NCALD: variants seen among roughly 807,000 people sequenced by gnomAD.
NCALD encodes neurocalcin delta, also known as neurocalcin-delta.
A neutral mutation model predicts 18.6 loss-of-function variants in NCALD; 10 were observed. The ratio of observed to expected loss-of-function variants is 0.54; its 90% CI spans 0.33 to 0.91. NCALD has a LOEUF of 0.91. Among genes scored for constraint, NCALD ranks in the 40% least tolerant of loss-of-function variants. The probability of loss-of-function intolerance (pLI) is 0.03; values close to 1 mark genes in which losing one functional copy is unlikely to be tolerated. For missense variants in NCALD, 184 were observed against 247.6 expected, an observed-to-expected ratio of 0.74 and a Z score of 1.72; for synonymous variants, 88 against 87.4, an observed-to-expected ratio of 1.01 and a Z score of -0.04.
intron 1 of NCALD, among the ~76,000 whole-genome samples, chr8:101,767,725 G>A (rs1811410115): frequency 6.6e-6 from 1 of 152,236 alleles, no homozygotes. Context: ...ATCTGCAAAT[G>A]CTGCAAGTTC....
At chr8:101,993,041 A>G (rs1821109456) in intron 2 of NCALD, among the ~76,000 whole-genome samples, 1 of 146,910 alleles carries the variant, frequency 6.8e-6, no homozygotes, top group Non-Finnish European at 1.5e-5. Flanking sequence ...CTTATTAGCC[A>G]TACTAGATAC....
intron 1 of NCALD, among the ~76,000 whole-genome samples, chr8:102,122,110 T>C (rs535004551): frequency 2.0e-5 from 3 of 152,324 alleles, no homozygotes; most frequent in East Asian, 3.9e-4. Context: ...CAGGGTAGCA[T>C]GGCACCTCTG....
intron 1 of NCALD, among the ~76,000 whole-genome samples, chr8:102,065,240 T>C (rs1823970700): frequency 6.7e-6 from 1 of 149,768 alleles, no homozygotes; most frequent in Admixed American, 6.7e-5. Flanking sequence ...GGTCCTGATG[T>C]GAATCAGTGA....
chr8:101,730,700 G>T (rs2130577896), intron 1 of NCALD, among the ~76,000 whole-genome samples: 1 of 152,168 alleles, frequency 6.6e-6, no homozygotes, highest in East Asian at 1.9e-4. Context: ...CCATTATGTG[G>T]AATTTAGTTA....
At position 101,816,146 on chromosome 8, in the gene NCALD, G is replaced by A. The variant is rs574562344; in HGVS notation, c.-20+70995C>T. Among the ~76,000 whole-genome samples the A allele has an allele frequency of 3.9e-5, 6 of 152,110 alleles. No individual in the cohort carries two copies. The South Asian group carries it at 8.3e-4, about 21-fold the overall frequency. On this transcript the variant is annotated intron_variant, in intron 4 of 6. Coordinates refer to the NCALD transcript ENST00000311028. Reference sequence around the variant, plus strand: ...GGTTTCCAGAGGGTCAGAGGGAGGCGGATTTACATAGATGGAGCAGAGTAT... The same window carrying A: ...GGTTTCCAGAGGGTCAGAGGGAGGCAGATTTACATAGATGGAGCAGAGTAT...
chr8:101,757,674 T>A (rs187855968), intron 1 of NCALD, among the ~76,000 whole-genome samples: 76 of 152,330 alleles, frequency 5.0e-4, no homozygotes, highest in Non-Finnish European at 9.3e-4. Flanking sequence ...GGTTTTTTTT[T>A]AATATCAATT....
intron 2 of NCALD, among the ~76,000 whole-genome samples, chr8:101,712,950 C>G (rs1282655279): frequency 2.6e-5 from 4 of 152,198 alleles, no homozygotes; most frequent in African/African-American, 9.6e-5. Flanking sequence ...CTACAGAACT[C>G]TACACCCCAA....
chr8:101,831,810 T>C (rs1262785553), intron 4 of NCALD, among the ~76,000 whole-genome samples: 1 of 152,076 alleles, frequency 6.6e-6, no homozygotes, highest in Non-Finnish European at 1.5e-5. Flanking sequence ...ATGGCTCCTA[T>C]CACTTCAGGG....
chr8:101,821,056 G>A (rs1055572278), intron 4 of NCALD, among the ~76,000 whole-genome samples: 2 of 152,102 alleles, frequency 1.3e-5, no homozygotes, highest in African/African-American at 4.8e-5. Flanking sequence ...GTACACACAC[G>A]CATATACACA....
intron 2 of NCALD, among the ~76,000 whole-genome samples, chr8:101,992,147 T>C (rs1310155853): frequency 6.6e-6 from 1 of 152,200 alleles, no homozygotes; most frequent in Non-Finnish European, 1.5e-5. Flanking sequence ...TGCTGACATA[T>C]CCTTCCCTGA....
At chr8:102,096,867 T>C (rs997652520) in intron 1 of NCALD, among the ~76,000 whole-genome samples, 5 of 152,258 alleles carry the variant, frequency 3.3e-5, no homozygotes, top group African/African-American at 1.2e-4. Context: ...TTGTGCATTT[T>C]GTCCAATTAT....
intron 1 of NCALD, among the ~76,000 whole-genome samples, chr8:102,058,569 T>C (rs1251786521): frequency 2.6e-5 from 4 of 152,208 alleles, no homozygotes; most frequent in Admixed American, 1.3e-4. Flanking sequence ...CGCTGTTCCA[T>C]TTTGCCACAC....
upstream of NCALD, among the ~76,000 whole-genome samples, chr8:101,794,465 T>A (rs188659627): frequency 6.6e-6 from 1 of 151,388 alleles, no homozygotes. Context: ...TGAGTTATCA[T>A]AAACTTTTCT....
intron 3 of NCALD, chr8:101,915,535 C>T (rs1358755445): frequency 6.6e-6 from 1 of 152,206 alleles, no homozygotes; most frequent in African/African-American, 2.4e-5. Flanking sequence ...ATAAAAACTA[C>T]TCCACTGAGT....
intron 2 of NCALD, among the ~76,000 whole-genome samples, chr8:101,980,692 G>C (rs1820587676): frequency 6.6e-6 from 1 of 152,146 alleles, no homozygotes; most frequent in African/African-American, 2.4e-5. Flanking sequence ...GCTCAAGGGG[G>C]CAGGGATAGA....
At chr8:101,733,247 T>C (rs1356266773) in intron 1 of NCALD, among the ~76,000 whole-genome samples, 2 of 152,234 alleles carry the variant, frequency 1.3e-5, no homozygotes, top group East Asian at 1.9e-4. Context: ...ATCCCATTAA[T>C]TGGTGAACAG....
At chr8:101,978,171 T>A (rs1411120286) in intron 2 of NCALD, among the ~76,000 whole-genome samples, 1 of 151,878 alleles carries the variant, frequency 6.6e-6, no homozygotes, top group African/African-American at 2.4e-5. Context: ...TTTTTCAAGT[T>A]AAAAAAATAT....
At position 101,689,230 on chromosome 8, in the gene NCALD, A is replaced by C. The variant is rs74352386; in HGVS notation, c.*79T>G. Reference sequence around the variant, plus strand: ...GCATCACCATTGATATTGTTTGGCAAAAAAAAAAAAAAATTGTTAAAAAGA... The same window carrying C: ...GCATCACCATTGATATTGTTTGGCACAAAAAAAAAAAAATTGTTAAAAAGA... On this transcript the variant is annotated 3_prime_UTR_variant, in exon 4 of 4. Coordinates refer to ENST00000220931, the MANE Select transcript of NCALD (RefSeq NM_032041.3). The surrounding 1 kb of genome is among the most constrained non-coding windows in gnomAD (Gnocchi z 4.4). 2.5e-6 allele frequency: 2 copies of C among 799,204 alleles called. No homozygotes were observed. Among genetic ancestry groups the C allele is most frequent in the South Asian group, 2.7e-5 (1 of 36,686 alleles). 49.5% of individuals were successfully genotyped at this position (799,204 alleles called of 1,614,324 possible).
At chr8:101,995,942 C>G (rs1272910463) in intron 2 of NCALD, among the ~76,000 whole-genome samples, 1 of 152,208 alleles carries the variant, frequency 6.6e-6, no homozygotes, top group Admixed American at 6.5e-5. Context: ...AGATATTCTT[C>G]CCAAGCTTCC....
Sources: gnomAD v4.1 joint callset for allele counts (sites outside exome capture counted in the v4.1 genomes callset) on GRCh38, gnomAD v4.1.1 for gene constraint, Gnocchi (gnomAD v3.1) non-coding constraint, MANE v1.5 for transcripts, NCBI Gene and HGNC (gene_info 2026-07-23, HGNC 2026-07-21) for gene names.